Variants in HOXC4 observed in about 807,000 individuals in gnomAD.
HOXC4 encodes the protein homeobox C4.
Under a neutral mutation model 25.5 loss-of-function variants are expected in HOXC4, and 15 were observed. That is an observed-to-expected ratio of 0.59 (90% CI 0.39 to 0.91). The LOEUF (loss-of-function observed/expected upper bound fraction) is 0.91. Among genes scored for constraint, HOXC4 ranks in the 40% least tolerant of loss-of-function variants. The probability of loss-of-function intolerance (pLI) is 0.00; values close to 1 mark genes in which losing one functional copy is unlikely to be tolerated. For synonymous variants in HOXC4, 165 were observed against 148.0 expected, an observed-to-expected ratio of 1.11 and a Z score of -0.83; for missense variants, 342 against 352.4, an observed-to-expected ratio of 0.97 and a Z score of 0.24.
chr12:54,043,795 C>A (rs956051993), intron 1 of HOXC4, among the ~76,000 whole-genome samples: 1 of 152,096 alleles, frequency 6.6e-6, no homozygotes, highest in Non-Finnish European at 1.5e-5. Flanking sequence ...TCTAATCCCC[C>A]TCTCCTTCTG....
intron 1 of HOXC4, among the ~76,000 whole-genome samples, chr12:54,029,420 C>T (rs1335456221): frequency 7.1e-6 from 1 of 141,608 alleles, no homozygotes; most frequent in Admixed American, 6.9e-5. Context: ...CGCCCCCCCC[C>T]CCACCACACA....
At chr12:54,043,182 G>T (rs973774780) in intron 1 of HOXC4, among the ~76,000 whole-genome samples, 1 of 152,200 alleles carries the variant, frequency 6.6e-6, no homozygotes, top group African/African-American at 2.4e-5. Context: ...GCCCTGAGCC[G>T]GTCCACTGCT....
intron 1 of HOXC4, among the ~76,000 whole-genome samples, chr12:54,022,769 A>G (rs1159256817): frequency 6.6e-6 from 1 of 152,126 alleles, no homozygotes; most frequent in Non-Finnish European, 1.5e-5. Flanking sequence ...GACATTTACA[A>G]TTTCTATATG....
upstream of HOXC4, among the ~76,000 whole-genome samples, chr12:54,052,147 T>C (rs1188740978): frequency 6.6e-6 from 1 of 151,830 alleles, no homozygotes; most frequent in Non-Finnish European, 1.5e-5. Flanking sequence ...ATCATAATAA[T>C]AAAATCAGAG....
chr12:54,050,348 G>C (rs927470418), upstream of HOXC4, among the ~76,000 whole-genome samples: 39 of 152,264 alleles, frequency 2.6e-4, no homozygotes, highest in African/African-American at 9.4e-4. Flanking sequence ...TGGGGTGGAG[G>C]GGCAATTGCA....
chr12:54,047,113 G>T (rs1937730326), intron 1 of HOXC4, among the ~76,000 whole-genome samples: 1 of 152,166 alleles, frequency 6.6e-6, no homozygotes, highest in Non-Finnish European at 1.5e-5. Context: ...GAGGCGAAGG[G>T]GCTCTAGCTC....
At chr12:54,034,536 T>C in intron 1 of HOXC4, 1 of 1,507,678 alleles carries the variant, frequency 6.6e-7, no homozygotes, top group Non-Finnish European at 9.2e-7. Context: ...AGCCGGTTCC[T>C]GTCCCTGCGC....
At chr12:54,052,829 G>A (rs145385307), upstream of HOXC4, among the ~76,000 whole-genome samples, 21 of 152,288 alleles carry the variant, frequency 1.4e-4, no homozygotes, top group East Asian at 3.7e-3. Context: ...CATGGATACA[G>A]CTCCTAGCCA....
At chr12:54,036,886 C>G (rs1407806778) in intron 1 of HOXC4, among the ~76,000 whole-genome samples, 2 of 152,144 alleles carry the variant, frequency 1.3e-5, no homozygotes, top group Non-Finnish European at 2.9e-5. Flanking sequence ...TGTGCTTCCT[C>G]CCCAGGGGAC....
chr12:54,026,967 G>GT (rs1940740061), intron 1 of HOXC4, among the ~76,000 whole-genome samples: 1 of 95,582 alleles, frequency 1.0e-5, no homozygotes, highest in African/African-American at 3.4e-5. Context: ...AAAATGGTGG[G>GT]GGGGGGGGGA....
rs560393172 is a variant in HOXC4 at position 54,026,759 on chromosome 12, T to TC, written c.-124+9351dup. Among the ~76,000 whole-genome samples, 24 of 152,118 alleles carry TC rather than the reference T, an allele frequency of 1.6e-4. No homozygotes were observed. The East Asian group carries it at 4.3e-3, about 27-fold the overall frequency. On this transcript the variant is annotated intron_variant, in intron 1 of 3. Transcript: ENST00000303406. ...GCTTTTGGGTTCGAAACTTTATTTT[T>TC]CCCCCCTAGCGACACTCCAGGGAAA...
chr12:54,047,127 G>A (rs1160489205), intron 1 of HOXC4, among the ~76,000 whole-genome samples: 2 of 152,332 alleles, frequency 1.3e-5, no homozygotes, highest in South Asian at 2.1e-4. Flanking sequence ...CTAGCTCCCC[G>A]CAAGCCTGGA....
chr12:54,031,359 G>C (rs911469154), intron 1 of HOXC4, among the ~76,000 whole-genome samples: 3 of 152,214 alleles, frequency 2.0e-5, no homozygotes, highest in African/African-American at 7.2e-5. Context: ...GAGCCCTGTC[G>C]GCAGGGATTG....
intron 1 of HOXC4, chr12:54,021,091 G>A (rs1366508245): frequency 6.5e-6 from 1 of 152,856 alleles, no homozygotes; most frequent in East Asian, 1.9e-4. Flanking sequence ...TCTGGACAGT[G>A]ATCTGGGGCA....
intron 1 of HOXC4, among the ~76,000 whole-genome samples, chr12:54,029,404 C>T (rs1940885155): frequency 1.4e-5 from 1 of 70,402 alleles, no homozygotes; most frequent in African/African-American, 7.2e-5. Flanking sequence ...TTTTGCCCCG[C>T]CCCCCCGCCC....
chr12:54,033,174 G>C (rs750491544), intron 1 of HOXC4: 2 of 1,614,152 alleles, frequency 1.2e-6, no homozygotes, highest in Non-Finnish European at 1.7e-6. Flanking sequence ...CAATATCCCT[G>C]CCTATAACAT....
intron 1 of HOXC4, among the ~76,000 whole-genome samples, chr12:54,043,071 T>C (rs1290381876): frequency 6.6e-6 from 1 of 152,260 alleles, no homozygotes; most frequent in African/African-American, 2.4e-5. Context: ...GGGTGTGCAA[T>C]GTGGGACTTG....
In HOXC4 at chr12:54,039,754, G is replaced by A. The variant is rs185021477; in HGVS notation, c.-123-13406G>A. Reference sequence around the variant, plus strand: ...TCTTCCCCACCCTCCAGCCTCCCCAGGGCTCTAGGGAGCGAGTGCAGTGGT... The same window carrying A: ...TCTTCCCCACCCTCCAGCCTCCCCAAGGCTCTAGGGAGCGAGTGCAGTGGT... On this transcript the variant is annotated intron_variant, in intron 1 of 3. Transcript: ENST00000303406. Among the ~76,000 whole-genome samples the A allele has an allele frequency of 5.9e-5, 9 of 152,086 alleles. 2 individuals are homozygous for A. Among genetic ancestry groups the A allele is most frequent in the African/African-American group, 2.2e-4 (9 of 41,476 alleles).
At chr12:54,032,988 C>T (rs1184083449) in intron 1 of HOXC4, 9 of 696,298 alleles carry the variant, frequency 1.3e-5, no homozygotes, top group African/African-American at 5.4e-5. Context: ...TTGGGAAGAG[C>T]GCATAGGATA....
Sources: allele counts gnomAD v4.1 joint callset (sites outside exome capture counted in the v4.1 genomes callset), GRCh38; gene constraint gnomAD v4.1.1; transcripts MANE v1.5; gene names NCBI Gene and HGNC (gene_info 2026-07-23, HGNC 2026-07-21).